The following MICAL3 variants were observed in gnomAD, a reference collection of about 807,000 sequenced individuals.
MICAL3 encodes the protein [F-actin]-monooxygenase MICAL3.
A neutral mutation model predicts 207.4 loss-of-function variants in MICAL3; 62 were observed. The observed-to-expected ratio is 0.30, with a 90% confidence interval of 0.24 to 0.37. The LOEUF is 0.37. Ranked by LOEUF, MICAL3 falls within the 10% of genes least tolerant of loss-of-function variation. MICAL3 has a pLI of 1.00. For synonymous variants in MICAL3, 1,077 were observed against 1,069.3 expected (o/e 1.01, Z -0.14); for missense variants, 2,368 against 2,635.6 (o/e 0.90, Z 2.22).
chr22:18,006,945 C>A (rs1273606051), intron 1 of MICAL3, among the ~76,000 whole-genome samples: 1 of 152,250 alleles, frequency 6.6e-6, no homozygotes, highest in Non-Finnish European at 1.5e-5. Flanking sequence ...CAACCATCAT[C>A]TTCTGGGTTC....
chr22:17,963,965 G>A (rs150061693), intron 1 of MICAL3, among the ~76,000 whole-genome samples: 12 of 152,202 alleles, frequency 7.9e-5, no homozygotes, highest in East Asian at 1.9e-4. Context: ...TGAGACCCTC[G>A]CAAATTTTGT....
intron 1 of MICAL3, among the ~76,000 whole-genome samples, chr22:17,940,283 TAGCCCC>T (rs892787052): frequency 9.2e-5 from 14 of 152,204 alleles, no homozygotes; most frequent in African/African-American, 3.4e-4. Context: ...CATGCACCTG[TAGCCCC>T]AGCTACTCAG....
At chr22:17,974,506 G>A (rs1935549738) in intron 1 of MICAL3, among the ~76,000 whole-genome samples, 1 of 152,104 alleles carries the variant, frequency 6.6e-6, no homozygotes, top group African/African-American at 2.4e-5. Flanking sequence ...GAACCTGGGA[G>A]GTGGAGGTTG....
chr22:17,842,350 G>A (rs1340393287), intron 19 of MICAL3: 2 of 273,682 alleles, frequency 7.3e-6, no homozygotes, highest in African/African-American at 2.1e-5. Flanking sequence ...AGGCAGCCAG[G>A]AGCCAGGTGC....
Position 17,896,847 on chromosome 22 carries a change from A to G in MICAL3, c.1083T>C (p.Tyr361=), listed in dbSNP as rs376575813. 3.1e-6 allele frequency: 5 copies of G among 1,614,174 alleles called. No homozygotes were observed. In the Admixed American group the frequency reaches 5.0e-5, roughly 16 times the overall value. ...CAAACATGGCCACATCGGGCTGCCC[A>G]TAGTGATTGATGGCAAAATCCAGAG... is the stretch of plus-strand genomic sequence containing the variant. The part of the protein sequence containing the change: ...LPSLDFAINH[Y]GQPDVAMFDF... Residue 361 remains tyrosine (Y), a synonymous_variant, in exon 8 of 32, where the codon TAT becomes TAC. Transcript: ENST00000441493.
chr22:17,971,821 C>T (rs754218438), intron 1 of MICAL3, among the ~76,000 whole-genome samples: 19 of 152,244 alleles, frequency 1.2e-4, no homozygotes, highest in Non-Finnish European at 1.9e-4. Flanking sequence ...CAGCCCGACC[C>T]GGGAGGGAGG....
intron 1 of MICAL3, among the ~76,000 whole-genome samples, chr22:18,011,613 G>A (rs1923737361): frequency 6.6e-6 from 1 of 151,724 alleles, no homozygotes; most frequent in Admixed American, 6.6e-5. Context: ...GCTCACACCT[G>A]TAATCCCAGC....
chr22:17,921,212 T>A (rs1033770611), intron 1 of MICAL3, among the ~76,000 whole-genome samples: 1 of 152,222 alleles, frequency 6.6e-6, no homozygotes, highest in Non-Finnish European at 1.5e-5. Flanking sequence ...CTATTGTCTA[T>A]GTTATCTCAT....
chr22:17,800,365 C>T (rs60431420), intron 29 of MICAL3, among the ~76,000 whole-genome samples: 4,538 of 152,164 alleles, frequency 0.03, 222 homozygotes, highest in African/African-American at 0.1. Flanking sequence ...CAGGCTGGGC[C>T]GGCCTGTTCA....
At chr22:17,974,269 A>G (rs1049408336) in intron 1 of MICAL3, among the ~76,000 whole-genome samples, 3 of 152,216 alleles carry the variant, frequency 2.0e-5, no homozygotes, top group African/African-American at 7.2e-5. Flanking sequence ...AACAGGCTTC[A>G]GGGGACTGCT....
At chr22:17,819,206 A>C in intron 25 of MICAL3, 77 bp from the exon 26 acceptor site, 1 of 1,374,900 alleles carries the variant, frequency 7.3e-7, no homozygotes, top group Non-Finnish European at 9.5e-7. Context: ...GAGCCTTCTC[A>C]CTCAAAGTGC....
In MICAL3 at chr22:17,817,265, G is replaced by GCACCCCTCCCA. The variant is rs1921101221; in HGVS notation, c.5350+45_5350+46insTGGGAGGGGTG. ...AGCCCCAGTGACCCCAGCCCCTCCC[G>GCACCCCTCCCA]CACCCCTCCCGCTCTGCCTGCACGC... is the stretch of plus-strand genomic sequence containing the variant. On this transcript the variant is annotated intron_variant, in intron 26 of 31. Coordinates refer to ENST00000441493, the MANE Select transcript of MICAL3 (RefSeq NM_015241.3). 4.6e-6 allele frequency: 7 copies of GCACCCCTCCCA among 1,521,662 alleles called. No individual in the cohort carries two copies. In the East Asian group the frequency reaches 7.3e-5, roughly 16 times the overall value. 94.3% of individuals were successfully genotyped at this position (1,521,662 alleles called of 1,614,324 possible).
intron 1 of MICAL3, among the ~76,000 whole-genome samples, chr22:18,022,431 CT>C (rs58938529): frequency 1.0e-4 from 15 of 149,750 alleles, no homozygotes; most frequent in African/African-American, 1.2e-4. Flanking sequence ...CACCCCCACC[CT>C]TTTTTTTTTC....
intron 1 of MICAL3, among the ~76,000 whole-genome samples, chr22:17,982,764 A>ATAAAG (rs1935984149): frequency 1.1e-5 from 1 of 90,508 alleles, no homozygotes; most frequent in Non-Finnish European, 2.7e-5. Flanking sequence ...AAAAAGTAAA[A>ATAAAG]TAAAGTAAAA....
intron 6 of MICAL3, 28 bp from the exon 7 acceptor site, chr22:17,899,576 G>GT (rs768325101): frequency 4.1e-6 from 6 of 1,460,938 alleles, no homozygotes; most frequent in Non-Finnish European, 5.7e-6. Context: ...ACGTGTGCAT[G>GT]TAAGTTTGCT....
At chr22:17,957,956 C>T (rs563460068) in intron 1 of MICAL3, among the ~76,000 whole-genome samples, 1 of 152,218 alleles carries the variant, frequency 6.6e-6, no homozygotes, top group South Asian at 2.1e-4. Context: ...AAGAGCAGAG[C>T]TTTCCTCGTG....
intron 21 of MICAL3, among the ~76,000 whole-genome samples, chr22:17,828,207 C>T (rs1922413780): frequency 6.6e-6 from 1 of 152,188 alleles, no homozygotes; most frequent in Non-Finnish European, 1.5e-5. Context: ...AGTGTGAGAC[C>T]CCAGGATGCA....
intron 19 of MICAL3, 100 bp from the exon 20 acceptor site, chr22:17,842,117 T>A (rs1184770673): frequency 2.5e-6 from 3 of 1,176,918 alleles, no homozygotes; most frequent in Admixed American, 4.1e-5. Context: ...TGCCAGAATG[T>A]GGGGCAGGAC....
intron 1 of MICAL3, among the ~76,000 whole-genome samples, 156 bp downstream of exon 1, chr22:18,024,125 G>C (rs1232753150): frequency 6.6e-6 from 1 of 152,208 alleles, no homozygotes; most frequent in African/African-American, 2.4e-5. Context: ...CGTTTAGAGG[G>C]AAACGAAATA....
Sources: gnomAD v4.1 joint callset for allele counts (sites outside exome capture counted in the v4.1 genomes callset) on GRCh38, gnomAD v4.1.1 for gene constraint, MANE v1.5 for transcripts, NCBI Gene and HGNC (gene_info 2026-07-23, HGNC 2026-07-21) for gene names.